Variants in DDX3X observed in about 807,000 individuals in gnomAD.
DDX3X encodes ATP-dependent RNA helicase DDX3X.
A neutral mutation model predicts 52.7 loss-of-function variants in DDX3X; 4 were observed. The ratio of observed to expected loss-of-function variants is 0.08; its 90% CI spans 0.04 to 0.17. The LOEUF is 0.17. DDX3X is among the 10% of genes least tolerant of loss of function. The probability of loss-of-function intolerance (pLI) is 1.00; values close to 1 mark genes in which losing one functional copy is unlikely to be tolerated. For missense variants in DDX3X, 222 were observed against 548.6 expected, an observed-to-expected ratio of 0.40 and a Z score of 5.95; for synonymous variants, 192 against 178.1, an observed-to-expected ratio of 1.08 and a Z score of -0.62.
At chrX:41,339,298 T>A (rs2063814541) in intron 3 of DDX3X, 1 of 200,262 alleles carries the variant, frequency 5.0e-6, no homozygotes, top group Non-Finnish European at 9.5e-6. Context: ...GTCAAACTGT[T>A]CTGACGCCAA....
intron 3 of DDX3X, 36 bp from the exon 4 acceptor site, chrX:41,341,448 T>C: frequency 8.9e-7 from 1 of 1,128,224 alleles, no homozygotes. Context: ...TATTTCTAAT[T>C]AATAATAAAA....
At chrX:41,360,066 C>T (rs1322788672) in intron 5 of DDX3X, among the ~76,000 whole-genome samples, 1 of 109,756 alleles carries the variant, frequency 9.1e-6, no homozygotes, top group African/African-American at 3.3e-5. Flanking sequence ...ATATGTGTGC[C>T]TTTTCTTCCC....
intron 5 of DDX3X, among the ~76,000 whole-genome samples, chrX:41,359,248 T>C (rs1041873546): frequency 3.6e-5 from 4 of 112,474 alleles, no homozygotes; most frequent in African/African-American, 9.7e-5. Flanking sequence ...GCAATACCCA[T>C]GGTTGAATCT....
Position 41,349,900 on chromosome X carries a change from G to GTT in DDX3X, c.*2195_*2196dup, listed in dbSNP as rs745349949. On this transcript the variant is annotated 3_prime_UTR_variant, in exon 17 of 17. Transcript: ENST00000644876. ...TTGTGTGGATTTTGTTTAGTTGTGTGTTTTTTTTTTTTTTTCAGTGAATGT... is the reference window on the plus strand; with the variant it reads ...TTGTGTGGATTTTGTTTAGTTGTGTGTTTTTTTTTTTTTTTTTCAGTGAATGT... 6,701 of 86,846 alleles carry GTT rather than the reference G, an allele frequency of 0.077. 277 individuals carry two copies. Among genetic ancestry groups the GTT allele is most frequent in the East Asian group, 0.37 (1,051 of 2,847 alleles). The allele number at this position is 86,846 out of a possible 1,213,427, so 7.2% of individuals were successfully genotyped here. A position where few individuals can be genotyped will look rare whatever the true frequency, so the allele number is the denominator to read the frequency against.
intron 5 of DDX3X, among the ~76,000 whole-genome samples, chrX:41,363,505 C>T (rs779834508): frequency 7.5e-5 from 8 of 106,224 alleles, no homozygotes; most frequent in East Asian, 6.0e-4. Flanking sequence ...TAACTCTGGC[C>T]GGGCGCAGTG....
At chrX:41,343,950 A>G in intron 8 of DDX3X, 80 bp from the exon 9 acceptor site, 2 of 1,012,868 alleles carry the variant, frequency 2.0e-6, no homozygotes, top group Non-Finnish European at 2.7e-6. Flanking sequence ...TAATCTATAA[A>G]TTACAAAAGG....
At chrX:41,334,338 T>C in intron 1 of DDX3X, 41 bp downstream of exon 1, 1 of 1,199,260 alleles carries the variant, frequency 8.3e-7, no homozygotes, top group Non-Finnish European at 1.1e-6. Flanking sequence ...GCTGCGTGAA[T>C]TCCTCCCCTG....
chrX:41,335,507 A>G (rs1189727768), intron 1 of DDX3X: 3 of 111,042 alleles, frequency 2.7e-5, no homozygotes, highest in African/African-American at 9.8e-5. Context: ...CTTTGGTGGC[A>G]GGAAGTCTGC....
At chrX:41,346,650 ATTG>A (rs1569240345) in intron 14 of DDX3X, 28 bp downstream of exon 14, 1 of 1,115,334 alleles carries the variant, frequency 9.0e-7, no homozygotes, top group South Asian at 1.9e-5. Context: ...TGATGGTTTC[ATTG>A]TTTTTTGCTG....
rs2063961439 is a variant in DDX3X at position 41,349,182 on chromosome X, TA to T, written c.*1465del. Reference sequence around the variant, plus strand: ...TTGTGCCTTGTTCTAAAACTTTTATTAAGTAGGTGCACTTGACAGTATTGAG... The same window carrying T: ...TTGTGCCTTGTTCTAAAACTTTTATTAGTAGGTGCACTTGACAGTATTGAG... On this transcript the variant is annotated 3_prime_UTR_variant, in exon 17 of 17. Transcript: ENST00000644876. 1 of 112,653 alleles carries T rather than the reference TA, an allele frequency of 8.9e-6. No homozygotes were observed. Among genetic ancestry groups the T allele is most frequent in the South Asian group, 3.6e-4 (1 of 2,802 alleles). 9.3% of individuals were successfully genotyped at this position (112,653 alleles called of 1,213,427 possible).
intron 5 of DDX3X, among the ~76,000 whole-genome samples, chrX:41,363,461 A>G (rs2064037088): frequency 1.8e-5 from 2 of 108,674 alleles, no homozygotes; most frequent in Non-Finnish European, 3.8e-5. Flanking sequence ...CATGGTTCCT[A>G]TGGACATATA....
At chrX:41,344,503 T>C (rs2147354574) in intron 10 of DDX3X, 104 bp downstream of exon 10, 1 of 964,997 alleles carries the variant, frequency 1.0e-6, no homozygotes, top group Non-Finnish European at 1.5e-6. Context: ...CATGGCGCGA[T>C]CTCGGCTCAC....
chrX:41,342,703 A>G lies in DDX3X; in HGVS notation c.444-34A>G, dbSNP rs751455854. On this transcript the variant is annotated intron_variant, in intron 5 of 16. Coordinates refer to ENST00000644876, the MANE Select transcript of DDX3X (RefSeq NM_001356.5). ...TTGTGATGAAGCCTTACTAGCTAGT[A>G]TAACAAATGAACTTATCCATTTTTT... The G allele has an allele frequency of 3.3e-6, 4 of 1,206,541 alleles. No homozygotes were observed. In the African/African-American group the frequency reaches 7.0e-5, roughly 21 times the overall value.
At chrX:41,352,753 G>A (rs193225153), downstream of DDX3X, among the ~76,000 whole-genome samples, 4 of 111,583 alleles carry the variant, frequency 3.6e-5, no homozygotes, top group East Asian at 1.1e-3. Flanking sequence ...GGTTCTCTCA[G>A]AAATCTGTGG....
chrX:41,336,013 A>G (rs2063762847), intron 1 of DDX3X: 1 of 112,481 alleles, frequency 8.9e-6, no homozygotes, highest in Non-Finnish European at 1.9e-5. Flanking sequence ...GTTTTTGCTC[A>G]TAGAAATTCT....
Position 41,345,155 on chromosome X carries a change from C to T in DDX3X, c.1026-25C>T, listed in dbSNP as rs367979447. ...TTTCTCCTCAAATTCTAAACTCAGG[C>T]TTGTTTTTTTTCATGACATGACAGA... On this transcript the variant is annotated intron_variant, in intron 10 of 16. Coordinates refer to ENST00000644876, the MANE Select transcript of DDX3X (RefSeq NM_001356.5). 39 of 1,199,820 alleles carry T rather than the reference C, an allele frequency of 3.3e-5. 1 individual carries two copies. The African/African-American group carries it at 6.5e-4, about 20-fold the overall frequency.
Position 41,348,616 on chromosome X carries a change from G to A in DDX3X, c.*897G>A, listed in dbSNP as rs1429134732. ...GACTTTTTAAATGCCTGCCATAAAT[G>A]AAATTGAAATGGTAGAATGGCTGAC... On this transcript the variant is annotated 3_prime_UTR_variant, in exon 17 of 17. Transcript: ENST00000644876. 1 of 112,495 alleles carries A rather than the reference G, an allele frequency of 8.9e-6. No individual in the cohort carries two copies. Among genetic ancestry groups the A allele is most frequent in the Admixed American group, 9.5e-5 (1 of 10,551 alleles). 9.3% of individuals were successfully genotyped at this position (112,495 alleles called of 1,213,427 possible).
intron 3 of DDX3X, 61 bp from the exon 4 acceptor site, chrX:41,341,423 C>A: frequency 9.9e-7 from 1 of 1,005,616 alleles, no homozygotes; most frequent in East Asian, 3.3e-5. Flanking sequence ...ATTGATAATA[C>A]CTTAACATGG....
At chrX:41,343,622 T>C in intron 7 of DDX3X, 115 bp from the exon 8 acceptor site, 1 of 718,185 alleles carries the variant, frequency 1.4e-6, no homozygotes, top group African/African-American at 2.2e-5. Flanking sequence ...TTTGGAAAAC[T>C]TAAGCATAAA....
Sources: allele counts gnomAD v4.1 joint callset (sites outside exome capture counted in the v4.1 genomes callset), GRCh38; gene constraint gnomAD v4.1.1; transcripts MANE v1.5; gene names NCBI Gene and HGNC (gene_info 2026-07-23, HGNC 2026-07-21).